PTPRB: variants seen among roughly 807,000 people sequenced by gnomAD.
The protein encoded by PTPRB is receptor-type tyrosine-protein phosphatase beta.
PTPRB carries 97 observed loss-of-function variants against 238.1 expected under a neutral mutation model. That is an observed-to-expected ratio of 0.41 (90% CI 0.35 to 0.48). The LOEUF (loss-of-function observed/expected upper bound fraction) is 0.48. PTPRB is among the 20% of genes least tolerant of loss of function. The pLI, the probability that PTPRB is intolerant of heterozygous loss-of-function variation, is 0.30. For synonymous variants in PTPRB, 970 were observed against 995.4 expected, an observed-to-expected ratio of 0.97 and a Z score of 0.48; for missense variants, 2,292 against 2,681.9, an observed-to-expected ratio of 0.85 and a Z score of 3.21.
intron 30 of PTPRB, 65 bp from the exon 31 acceptor site, chr12:70,534,716 G>A (rs1026568489): frequency 1.3e-6 from 2 of 1,599,070 alleles, no homozygotes; most frequent in African/African-American, 1.3e-5. Flanking sequence ...CTTGACAGCT[G>A]AGCCATGGAG....
intron 3 of PTPRB, among the ~76,000 whole-genome samples, chr12:70,617,781 A>G (rs1592597420): frequency 6.9e-6 from 1 of 144,778 alleles, no homozygotes; most frequent in South Asian, 2.5e-4. Context: ...AAACTGTGAA[A>G]GCCCAGACCA....
intron 32 of PTPRB, among the ~76,000 whole-genome samples, chr12:70,529,989 C>T (rs1872948991): frequency 6.6e-6 from 1 of 151,920 alleles, no homozygotes; most frequent in African/African-American, 2.4e-5. Context: ...AATATATTAC[C>T]ACCATGAAAA....
chr12:70,550,889 CT>C (rs34266218), intron 21 of PTPRB, among the ~76,000 whole-genome samples: 34,600 of 148,716 alleles, frequency 0.23, 4,371 homozygotes, highest in East Asian at 0.42. Context: ...TCTCTTGAAT[CT>C]TTTTTTTTTT....
chr12:70,561,015 T>C (rs1477293283), intron 16 of PTPRB, 81 bp from the exon 17 acceptor site: 7 of 1,409,470 alleles, frequency 5.0e-6, no homozygotes, highest in Admixed American at 1.8e-5. Flanking sequence ...ATATGCTATG[T>C]TGGGCATGTG....
chr12:70,532,483 T>C (rs1873431648), intron 31 of PTPRB, among the ~76,000 whole-genome samples: 1 of 152,346 alleles, frequency 6.6e-6, no homozygotes, highest in Non-Finnish European at 1.5e-5. Context: ...TAAACATTTA[T>C]GTTTGAAAAA....
chr12:70,539,771 T>TCTGA, intron 25 of PTPRB, 56 bp downstream of exon 25: 1 of 1,595,634 alleles, frequency 6.3e-7, no homozygotes, highest in African/African-American at 1.3e-5. Flanking sequence ...CCATAACTAT[T>TCTGA]CTGACTCATA....
Position 70,580,083 on chromosome 12 carries a change from A to G in PTPRB, c.2578+953T>C, listed in dbSNP as rs1350696776. On this transcript the variant is annotated intron_variant, in intron 10 of 33. Coordinates refer to ENST00000334414, the MANE Select transcript of PTPRB (RefSeq NM_001109754.4). ...AATGAACATACATTTTATATATCAT[A>G]TATATTAATTTTTTATGTTCTTTCA... is the stretch of plus-strand genomic sequence containing the variant. Among the ~76,000 whole-genome samples the G allele has an allele frequency of 2.0e-5, 3 of 152,098 alleles. No individual in the cohort carries two copies. The East Asian group carries it at 5.8e-4, about 29-fold the overall frequency.
intron 3 of PTPRB, among the ~76,000 whole-genome samples, chr12:70,616,105 T>A (rs1039692197): frequency 9.9e-5 from 15 of 152,166 alleles, no homozygotes; most frequent in Admixed American, 5.2e-4. Context: ...TCTTTTTAAA[T>A]TTTTTAAATT....
At chr12:70,583,979 T>C (rs1881634478) in intron 9 of PTPRB, among the ~76,000 whole-genome samples, 1 of 152,158 alleles carries the variant, frequency 6.6e-6, no homozygotes, top group African/African-American at 2.4e-5. Context: ...ATTTCAGCTA[T>C]TATAATTATC....
At chr12:70,524,407 G>C in intron 33 of PTPRB, 64 bp downstream of exon 33, 1 of 1,506,354 alleles carries the variant, frequency 6.6e-7, no homozygotes, top group Non-Finnish European at 9.0e-7. Context: ...AAGCCTCTAT[G>C]CCTGGCCAGA....
At position 70,518,058 on chromosome 12, in the gene PTPRB, A is replaced by T. The variant is rs958556303; in HGVS notation, c.*3431T>A. ...ATGTCATTTTGGGCTTTCTTCCGAG[A>T]GGTGATTACAAAATTTATCAAAGAC... is the stretch of plus-strand genomic sequence containing the variant. On this transcript the variant is annotated 3_prime_UTR_variant, in exon 34 of 34. Transcript: ENST00000334414. The T allele has an allele frequency of 1.3e-5, 2 of 152,098 alleles. No homozygotes were observed. The highest frequency in any genetic ancestry group is 2.9e-5 in the Non-Finnish European group (2 of 68,016). The allele number at this position is 152,098 out of a possible 1,614,324, so 9.4% of individuals were successfully genotyped here.
At chr12:70,535,294 C>T (rs1873950350) in intron 29 of PTPRB, among the ~76,000 whole-genome samples, 1 of 135,884 alleles carries the variant, frequency 7.4e-6, no homozygotes, top group Admixed American at 8.3e-5. Flanking sequence ...CTGTGGTTCA[C>T]AACGTATTGT....
intron 9 of PTPRB, among the ~76,000 whole-genome samples, chr12:70,583,588 T>C (rs1881600666): frequency 1.3e-5 from 2 of 152,296 alleles, no homozygotes; most frequent in East Asian, 1.9e-4. Flanking sequence ...GTGAAATAAA[T>C]AGTCTCTCTT....
chr12:70,526,780 G>A (rs1224277594), intron 32 of PTPRB, among the ~76,000 whole-genome samples: 1 of 152,142 alleles, frequency 6.6e-6, no homozygotes, highest in Non-Finnish European at 1.5e-5. Context: ...GTTCTACTGG[G>A]ATATTACATT....
At chr12:70,553,243 C>T (rs1422011973) in intron 20 of PTPRB, among the ~76,000 whole-genome samples, 3 of 152,106 alleles carry the variant, frequency 2.0e-5, no homozygotes, top group South Asian at 4.1e-4. Context: ...AAAATACACA[C>T]ACACACAGCA....
chr12:70,529,223 A>G (rs538134915), intron 32 of PTPRB, among the ~76,000 whole-genome samples: 1 of 152,246 alleles, frequency 6.6e-6, no homozygotes, highest in African/African-American at 2.4e-5. Flanking sequence ...TTCTAAGGAG[A>G]AGGAGGAAGA....
In PTPRB at chr12:70,521,508, G is replaced by A. The variant is rs762978426; in HGVS notation, c.6629C>T (p.Pro2210Leu). 6.5e-7 allele frequency: 1 copy of A among 1,544,420 alleles called. No individual in the cohort carries two copies. The change falls in exon 34 of 34, where the codon CCA becomes CTA. Residue 2210 changes from proline (P) to leucine (L), a missense_variant. Transcript: ENST00000334414. ...ACATTCTCAATGCCTTGAATAGACT[G>A]GATCTGAAAGGAAGAACACTGTAAT... ...ENVNPEYHRD[P>L]VYSRH is the part of the protein sequence containing the mutation.
At chr12:70,600,859 C>A (rs1883416158) in intron 4 of PTPRB, among the ~76,000 whole-genome samples, 1 of 151,954 alleles carries the variant, frequency 6.6e-6, no homozygotes, top group Admixed American at 6.6e-5. Context: ...CCATGCCCAG[C>A]TAATTTTTGT....
chr12:70,545,862 A>T (rs562252091), intron 21 of PTPRB, among the ~76,000 whole-genome samples: 1 of 152,162 alleles, frequency 6.6e-6, no homozygotes, highest in Non-Finnish European at 1.5e-5. Flanking sequence ...ACAGGCTGGG[A>T]GCGGTGGCTC....
Sources: allele counts gnomAD v4.1 joint callset (sites outside exome capture counted in the v4.1 genomes callset), GRCh38; gene constraint gnomAD v4.1.1; transcripts MANE v1.5; gene names NCBI Gene and HGNC (gene_info 2026-07-23, HGNC 2026-07-21).